The following ARID2 variants were observed in gnomAD, a reference collection of about 807,000 sequenced individuals.
ARID2 encodes the protein AT-rich interaction domain 2, also known as AT-rich interactive domain-containing protein 2.
Under a neutral mutation model 184.6 loss-of-function variants are expected in ARID2, and 32 were observed. The ratio of observed to expected loss-of-function variants is 0.17; its 90% CI spans 0.13 to 0.23. ARID2 has a LOEUF of 0.23. Ranked by LOEUF, ARID2 falls within the 10% of genes least tolerant of loss-of-function variation. ARID2 has a pLI of 1.00. For missense variants in ARID2, 1,696 were observed against 2,197.6 expected, an observed-to-expected ratio of 0.77 and a Z score of 4.56; for synonymous variants, 836 against 772.6, an observed-to-expected ratio of 1.08 and a Z score of -1.36.
At chr12:45,755,509 A>G (rs1941550951) in intron 3 of ARID2, among the ~76,000 whole-genome samples, 1 of 152,224 alleles carries the variant, frequency 6.6e-6, no homozygotes, top group Non-Finnish European at 1.5e-5. Flanking sequence ...CGTTGTAAGT[A>G]TCACTTGTCA....
At chr12:45,731,593 C>T (rs1941001239) in intron 3 of ARID2, among the ~76,000 whole-genome samples, 1 of 152,116 alleles carries the variant, frequency 6.6e-6, no homozygotes, top group Non-Finnish European at 1.5e-5. Flanking sequence ...TGTTATTCAT[C>T]GCTTGATACC....
chr12:45,879,951 T>A (rs1944073456), intron 16 of ARID2, among the ~76,000 whole-genome samples: 1 of 152,212 alleles, frequency 6.6e-6, no homozygotes, highest in Non-Finnish European at 1.5e-5. Flanking sequence ...GGAGTTTATA[T>A]TAAGTGTTTT....
chr12:45,730,336 G>A (rs1396505017), intron 2 of ARID2, among the ~76,000 whole-genome samples, 199 bp downstream of exon 2: 2 of 146,658 alleles, frequency 1.4e-5, no homozygotes, highest in African/African-American at 4.9e-5. Flanking sequence ...CGCGGCGGGC[G>A]CGGGGCTCCG....
chr12:45,777,785 ATTTTTTATATAAATATATATTTTAT>A (rs953393400), intron 3 of ARID2, among the ~76,000 whole-genome samples: 27 of 148,294 alleles, frequency 1.8e-4, no homozygotes, highest in African/African-American at 6.1e-4. Context: ...TAAAGTTTAT[ATTTTTTATATAAATATATATTTTAT>A]TTTTTTATAT....
chr12:45,821,507 A>G lies in ARID2; in HGVS notation c.705+20A>G, dbSNP rs761701266. The G allele has an allele frequency of 6.9e-7, 1 of 1,444,790 alleles. No individual in the cohort carries two copies. Among genetic ancestry groups the G allele is most frequent in the South Asian group, 1.5e-5 (1 of 64,604 alleles). The allele number at this position is 1,444,790 out of a possible 1,614,324, so 89.5% of individuals were successfully genotyped here. A position where few individuals can be genotyped will look rare whatever the true frequency, so the allele number is the denominator to read the frequency against. ...GTTAAGGTAAATCATTTTAATTAAA[A>G]TGTTGATTCATTGAGTTACATGCAG... On this transcript the variant is annotated intron_variant, in intron 6 of 20. Transcript: ENST00000334344.
At chr12:45,826,673 C>A (rs1407680507) in intron 6 of ARID2, among the ~76,000 whole-genome samples, 1 of 152,072 alleles carries the variant, frequency 6.6e-6, no homozygotes, top group Non-Finnish European at 1.5e-5. Flanking sequence ...CCTGCCTCGG[C>A]CTCCCAGAGT....
chr12:45,852,697 A>T lies in ARID2; in HGVS notation c.4574A>T (p.Glu1525Val), dbSNP rs1943578081. 6.2e-7 allele frequency: 1 copy of T among 1,614,080 alleles called. No homozygotes were observed. Among genetic ancestry groups the T allele is most frequent in the Non-Finnish European group, 8.5e-7 (1 of 1,180,020 alleles). ...VKRPAEDTDR[E>V]TVAGIPNKVG... ...AGGCCAGCAGAGGATACTGATAGGGAAACAGTCGCAGGAATTCCAAATAAA... is the reference window on the plus strand; with the variant it reads ...AGGCCAGCAGAGGATACTGATAGGGTAACAGTCGCAGGAATTCCAAATAAA... Residue 1525 changes from glutamate (E) to valine (V), a missense_variant, in exon 15 of 21, where the codon GAA becomes GTA. Around this residue, in one of 11 missense-constraint regions of ARID2, gnomAD observed 111 missense variants for 154.0 expected, o/e 0.72. Transcript: ENST00000334344.
At chr12:45,898,393 G>T (rs914958512) in intron 20 of ARID2, among the ~76,000 whole-genome samples, 1 of 152,110 alleles carries the variant, frequency 6.6e-6, no homozygotes, top group African/African-American at 2.4e-5. Flanking sequence ...TGTACTTAAT[G>T]CCACTGAACT....
chr12:45,794,633 G>A lies in ARID2; in HGVS notation c.285-16785G>A, dbSNP rs1017536720. Among the ~76,000 whole-genome samples, 6 of 152,106 alleles carry A rather than the reference G, an allele frequency of 3.9e-5. No individual in the cohort carries two copies. In the East Asian group the frequency reaches 9.6e-4, roughly 24 times the overall value. On this transcript the variant is annotated intron_variant, in intron 3 of 20. Coordinates refer to ENST00000334344, the MANE Select transcript of ARID2 (RefSeq NM_152641.4). ...AATTGCAGCACCAGGGATAGCTCCC[G>A]GTGTGTTCTTTTTTGTAATGGTGTT...
Position 45,852,615 on chromosome 12 carries a change from G to T in ARID2, c.4492G>T (p.Ala1498Ser), listed in dbSNP as rs116531573. 1 of 1,614,160 alleles carries T rather than the reference G, an allele frequency of 6.2e-7. No individual in the cohort carries two copies. Among genetic ancestry groups the T allele is most frequent in the Non-Finnish European group, 8.5e-7 (1 of 1,180,000 alleles). The change falls in exon 15 of 21, where the codon GCC becomes TCC. Residue 1498 changes from alanine to serine, a missense_variant. Physicochemically the swap from Ala to Ser is moderately conservative, Grantham distance 99 (BLOSUM62 1). Around this residue, in one of 11 missense-constraint regions of ARID2, gnomAD observed 428 missense variants for 409.1 expected, o/e 1.05. Coordinates refer to ENST00000334344, the MANE Select transcript of ARID2 (RefSeq NM_152641.4). ...AGGATCAAAAGTATCCCATTCTCCT[G>T]CCCTATCATCTGACGTTCGGTCTAC... is the stretch of plus-strand genomic sequence containing the variant. ...DSGSKVSHSP[A>S]LSSDVRSTNG... is the part of the protein sequence containing the mutation.
chr12:45,893,868 C>T (rs760578445), intron 20 of ARID2, 147 bp downstream of exon 20: 1 of 594,722 alleles, frequency 1.7e-6, no homozygotes, highest in Non-Finnish European at 2.7e-6. Context: ...TAGGTCAGGC[C>T]ATGATGAGCT....
chr12:45,771,137 C>G (rs1260541262), intron 3 of ARID2, among the ~76,000 whole-genome samples: 1 of 152,126 alleles, frequency 6.6e-6, no homozygotes, highest in African/African-American at 2.4e-5. Context: ...TATTTCTTTT[C>G]CATTTCTTAA....
intron 11 of ARID2, chr12:45,842,364 C>T (rs781781206): frequency 3.3e-5 from 5 of 150,144 alleles, no homozygotes; most frequent in Non-Finnish European, 7.4e-5. Context: ...TGTATATATA[C>T]ACACACATAT....
At chr12:45,869,955 T>G (rs1943895854) in intron 16 of ARID2, among the ~76,000 whole-genome samples, 1 of 152,086 alleles carries the variant, frequency 6.6e-6, no homozygotes, top group Admixed American at 6.5e-5. Context: ...GTGATAATAT[T>G]CATCCATATC....
chr12:45,891,987 TCTTG>T lies in ARID2; in HGVS notation c.5062-20_5062-17del. On this transcript the variant is annotated intron_variant, in intron 17 of 20. Coordinates refer to ENST00000334344, the MANE Select transcript of ARID2 (RefSeq NM_152641.4). ...CATTAAAGATTTTGACGTGCCATTC[TCTTG>T]CTTCCTCTTCCTCAAAAAGGATAAG... 2 of 1,614,062 alleles carry T rather than the reference TCTTG, an allele frequency of 1.2e-6. No individual in the cohort carries two copies. The highest frequency in any genetic ancestry group is 1.7e-6 in the Non-Finnish European group (2 of 1,179,978).
At chr12:45,782,467 A>G (rs1197945108) in intron 3 of ARID2, among the ~76,000 whole-genome samples, 1 of 152,066 alleles carries the variant, frequency 6.6e-6, no homozygotes, top group East Asian at 1.9e-4. Context: ...ACCCGTCTCT[A>G]CTGAAAATAC....
chr12:45,848,802 T>C (rs1943487924), intron 12 of ARID2, 34 bp from the exon 13 acceptor site: 1 of 1,574,610 alleles, frequency 6.4e-7, no homozygotes. Context: ...TCCTAGAGTA[T>C]ATTGTATAAT....
At chr12:45,767,215 T>C (rs1941788346) in intron 3 of ARID2, among the ~76,000 whole-genome samples, 1 of 152,180 alleles carries the variant, frequency 6.6e-6, no homozygotes, top group African/African-American at 2.4e-5. Context: ...GTTCAAGTCT[T>C]TTGTGCACCT....
Position 45,849,653 on chromosome 12 carries a change from G to T in ARID2, c.1789G>T (p.Val597Leu), listed in dbSNP as rs755848729. The T allele has an allele frequency of 1.2e-6, 2 of 1,613,652 alleles. No individual in the cohort carries two copies. The highest frequency in any genetic ancestry group is 1.7e-6 in the Non-Finnish European group (2 of 1,179,766). ...SSNGQAHIHV[V>L]GVKRRAIPLP... ...CAATGGGCAGGCACATATTCATGTG[G>T]TAGGAGTAAAACGGAGGGCTATACC... Residue 597 changes from valine to leucine, a missense_variant, in exon 14 of 21, where the codon GTA (valine) becomes TTA (leucine). Around this residue, in one of 11 missense-constraint regions of ARID2, gnomAD observed 713 missense variants for 824.4 expected, o/e 0.86. Coordinates refer to ENST00000334344, the MANE Select transcript of ARID2 (RefSeq NM_152641.4).
Sources: gnomAD v4.1 joint callset for allele counts (sites outside exome capture counted in the v4.1 genomes callset) on GRCh38, gnomAD v4.1.1 for gene constraint, gnomAD v4.1.1 regional missense constraint, MANE v1.5 for transcripts, NCBI Gene and HGNC (gene_info 2026-07-23, HGNC 2026-07-21) for gene names.